The following MAX variants were observed in gnomAD, a reference collection of about 807,000 sequenced individuals.
The protein encoded by MAX is protein max.
Under a neutral mutation model 22.3 loss-of-function variants are expected in MAX, and 3 were observed. The observed-to-expected ratio is 0.13, with a 90% CI of 0.06 to 0.35. The LOEUF (loss-of-function observed/expected upper bound fraction) is 0.35, where lower values mean the gene tolerates loss of function less well. Ranked by LOEUF, MAX falls within the 10% of genes least tolerant of loss-of-function variation. The pLI, the probability that MAX is intolerant of heterozygous loss-of-function variation, is 1.00. For synonymous variants in MAX, 72 were observed against 77.7 expected (o/e 0.93, Z 0.39); for missense variants, 119 against 209.4 (o/e 0.57, Z 2.66).
exon 4 of MAX, chr14:65,006,263 G>A (rs2139487438): frequency 1.2e-6 from 2 of 1,613,638 alleles, no homozygotes; most frequent in South Asian, 1.1e-5. Flanking sequence ...ACAGGTGGGA[G>A]GGTTAACTTC....
At chr14:65,067,732 C>T (rs2062945588) in intron 3 of MAX, among the ~76,000 whole-genome samples, 1 of 151,754 alleles carries the variant, frequency 6.6e-6, no homozygotes, top group African/African-American at 2.4e-5. Flanking sequence ...AAGCAATCCT[C>T]CTGGTCAGCT....
At chr14:65,068,260 C>T (rs895016620) in intron 3 of MAX, among the ~76,000 whole-genome samples, 1 of 151,970 alleles carries the variant, frequency 6.6e-6, no homozygotes, top group Non-Finnish European at 1.5e-5. Flanking sequence ...CATGATGAAA[C>T]CCCATAGCAA....
chr14:65,081,092 G>A (rs2063187501), intron 3 of MAX, among the ~76,000 whole-genome samples: 1 of 152,190 alleles, frequency 6.6e-6, no homozygotes, highest in East Asian at 1.9e-4. Context: ...AAAGAAGGCT[G>A]GATTGGTTTA....
chr14:65,102,473 T>C lies in MAX; in HGVS notation c.-134A>G. On this transcript the variant is annotated 5_prime_UTR_variant, in exon 1 of 5. Coordinates refer to ENST00000358664, the MANE Select transcript of MAX (RefSeq NM_002382.5). ...CTCACTCACTCACTCACTCGCTCTCTCACTCACACACACACACAACACGGG... is the reference window on the plus strand; with the variant it reads ...CTCACTCACTCACTCACTCGCTCTCCCACTCACACACACACACAACACGGG... 2.6e-6 allele frequency: 4 copies of C among 1,518,062 alleles called. No individual in the cohort carries two copies. Among genetic ancestry groups the C allele is most frequent in the Non-Finnish European group, 3.5e-6 (4 of 1,134,750 alleles). The allele number at this position is 1,518,062 out of a possible 1,614,324, so 94.0% of individuals were successfully genotyped here. A position where few individuals can be genotyped will look rare whatever the true frequency, so the allele number is the denominator to read the frequency against.
At chr14:65,102,172 A>G (rs1385894809) in intron 1 of MAX, 132 bp downstream of exon 1, 1 of 1,506,142 alleles carries the variant, frequency 6.6e-7, no homozygotes, top group African/African-American at 1.4e-5. Context: ...CGACGGAGGC[A>G]CTCCTGGCCC....
In MAX at chr14:65,007,810, A is replaced by G. The variant is rs1489223731; in HGVS notation, c.172-1526T>C. ...AACCTGAAATGCATAAACTACACAG[A>G]TACCTCGCTCACATGTAGTTTTTAA... On this transcript the variant is annotated intron_variant, in intron 3 of 3. Transcript: ENST00000341653. The surrounding 1 kb of genome is among the most constrained non-coding windows in gnomAD (Gnocchi z 4.9). Among the ~76,000 whole-genome samples the G allele has an allele frequency of 1.3e-5, 2 of 152,232 alleles. No homozygotes were observed. The highest frequency in any genetic ancestry group is 2.9e-5 in the Non-Finnish European group (2 of 68,040).
At position 65,079,509 on chromosome 14, in the gene MAX, C is replaced by T. The variant is rs1161417659; in HGVS notation, c.172-1473G>A. ...ACTTATGGCCAGGCAGCCAGCCAAACTGGTAGAATAGTACAAAGCCAAGCG... is the reference window on the plus strand; with the variant it reads ...ACTTATGGCCAGGCAGCCAGCCAAATTGGTAGAATAGTACAAAGCCAAGCG... On this transcript the variant is annotated intron_variant, in intron 3 of 4. Coordinates refer to ENST00000358664, the MANE Select transcript of MAX (RefSeq NM_002382.5). This position sits in a 1 kb window ranked among gnomAD's most constrained non-coding sequence, Gnocchi z 4.5. Among the ~76,000 whole-genome samples the T allele has an allele frequency of 6.6e-6, 1 of 152,242 alleles. No homozygotes were observed. Among genetic ancestry groups the T allele is most frequent in the African/African-American group, 2.4e-5 (1 of 41,462 alleles).
At chr14:65,098,515 T>C (rs2063732024) in intron 2 of MAX, among the ~76,000 whole-genome samples, 1 of 152,192 alleles carries the variant, frequency 6.6e-6, no homozygotes. Context: ...TTGCATTTCC[T>C]GACCAACACA....
At chr14:65,019,193 G>T (rs1269780438) in intron 3 of MAX, among the ~76,000 whole-genome samples, 1 of 150,170 alleles carries the variant, frequency 6.7e-6, no homozygotes, top group African/African-American at 2.5e-5. Flanking sequence ...AAAAGAAAAA[G>T]AAGAACTTTC....
Position 65,077,832 on chromosome 14 carries a change from T to G in MAX, c.295+81A>C. On this transcript the variant is annotated intron_variant, in intron 4 of 4. Coordinates refer to ENST00000358664, the MANE Select transcript of MAX (RefSeq NM_002382.5). This position sits in a 1 kb window ranked among gnomAD's most constrained non-coding sequence, Gnocchi z 6.3. ...TGAGCACATACTCCATGACTGGCTC[T>G]GACTCTGCAGGCCCAGGTGCCAAAG... 6.2e-7 allele frequency: 1 copy of G among 1,614,214 alleles called. No homozygotes were observed. Among genetic ancestry groups the G allele is most frequent in the South Asian group, 1.1e-5 (1 of 91,088 alleles).
In MAX at chr14:65,091,058, CAG is replaced by C. The variant is rs561169888; in HGVS notation, c.171+2648_171+2649del. 1.4e-4 allele frequency among the ~76,000 whole-genome samples: 22 copies of C among 152,274 alleles called. No homozygotes were observed. The East Asian group carries it at 4.2e-3, about 29-fold the overall frequency. On this transcript the variant is annotated intron_variant, in intron 3 of 4. Coordinates refer to ENST00000358664, the MANE Select transcript of MAX (RefSeq NM_002382.5). ...GCTTAAGTCAAAGGAGACTGGAACA[CAG>C]AGAGACCCAAATCAAAGGCTTTCCC... is the stretch of plus-strand genomic sequence containing the variant.
rs187352963 is a variant in MAX at position 65,021,582 on chromosome 14, C to T, written c.172-15298G>A. ...GTGCTGCTAAATATCCTCTACAGGACGGTCCCTGCACCAAAGAATTACTGA... is the reference window on the plus strand; with the variant it reads ...GTGCTGCTAAATATCCTCTACAGGATGGTCCCTGCACCAAAGAATTACTGA... On this transcript the variant is annotated intron_variant, in intron 3 of 3. Coordinates refer to the MAX transcript ENST00000341653. Among the ~76,000 whole-genome samples the T allele has an allele frequency of 5.9e-5, 9 of 152,240 alleles. No individual in the cohort carries two copies. In the East Asian group the frequency reaches 9.7e-4, roughly 16 times the overall value.
chr14:65,071,126 GGA>G (rs1038020669), downstream of MAX, among the ~76,000 whole-genome samples: 5 of 151,974 alleles, frequency 3.3e-5, no homozygotes, highest in Admixed American at 1.3e-4. This position sits in a 1 kb window ranked among gnomAD's most constrained non-coding sequence, Gnocchi z 4.2. Flanking sequence ...TCAGCGAAAA[GGA>G]GAGTTTATTC....
intron 3 of MAX, among the ~76,000 whole-genome samples, chr14:65,037,402 CCTTTT>C (rs398043788): frequency 0.065 from 936 of 14,478 alleles, 394 homozygotes; most frequent in Middle Eastern, 0.14. Context: ...CACGCCGGGC[CCTTTT>C]TTTTTTTTTT....
rs369469981 is a variant in MAX at position 65,055,688 on chromosome 14, T to C, written c.171+38020A>G. Among the ~76,000 whole-genome samples, 12 of 152,116 alleles carry C rather than the reference T, an allele frequency of 7.9e-5. No individual in the cohort carries two copies. The East Asian group carries it at 2.3e-3, about 29-fold the overall frequency. On this transcript the variant is annotated intron_variant, in intron 3 of 3. Coordinates refer to the MAX transcript ENST00000341653. ...TGCACCACCACACCCAGCTAATTTT[T>C]GTATTTTTAGTAGAGACAGGGTTTC... is the stretch of plus-strand genomic sequence containing the variant.
Position 65,077,990 on chromosome 14 carries a change from T to C in MAX, c.218A>G (p.Tyr73Cys), listed in dbSNP as rs2063105092. The change falls in exon 4 of 5, where the codon TAT becomes TGT. Residue 73 changes from tyrosine (Y) to cysteine (C), a missense_variant. Coordinates refer to ENST00000358664, the MANE Select transcript of MAX (RefSeq NM_002382.5). This position sits in a 1 kb window ranked among gnomAD's most constrained non-coding sequence, Gnocchi z 6.3. The stretch of plus-strand genomic sequence containing the variant: ...GTGTGTGTGGTTTTTCCTTCGCATA[T>C]ACTGGATATATTCTGTGGCTTTGTC... ...ILDKATEYIQ[Y>C]MRRKNHTHQQ... The C allele has an allele frequency of 6.2e-7, 1 of 1,614,142 alleles. No homozygotes were observed. The highest frequency in any genetic ancestry group is 8.5e-7 in the Non-Finnish European group (1 of 1,180,016).
intron 3 of MAX, among the ~76,000 whole-genome samples, chr14:65,085,507 T>C (rs1051638701): frequency 6.6e-6 from 1 of 151,754 alleles, no homozygotes; most frequent in East Asian, 1.9e-4. Flanking sequence ...CTTGGGGGAG[T>C]GAGACCTCTC....
At position 65,031,503 on chromosome 14, in the gene MAX, A is replaced by C. The variant is rs538899558; in HGVS notation, c.172-25219T>G. Among the ~76,000 whole-genome samples the C allele has an allele frequency of 1.6e-3, 243 of 151,954 alleles. 1 individual carries two copies. The highest frequency in any genetic ancestry group is 5.8e-3 in the African/African-American group (242 of 41,492). ...CAGCTAATTTTTGTGTTTTTAGTGG[A>C]GACGGGGTTTCGCAATATTGGTCAG... On this transcript the variant is annotated intron_variant, in intron 3 of 3. Coordinates refer to the MAX transcript ENST00000341653. This position sits in a 1 kb window ranked among gnomAD's most constrained non-coding sequence, Gnocchi z 4.6.
At chr14:65,051,881 G>A (rs923271341) in intron 3 of MAX, among the ~76,000 whole-genome samples, 3 of 149,710 alleles carry the variant, frequency 2.0e-5, no homozygotes, top group Non-Finnish European at 3.0e-5. Context: ...TGCAAACTCC[G>A]CCTCCTGGGT....
Sources: allele counts gnomAD v4.1 joint callset (sites outside exome capture counted in the v4.1 genomes callset), GRCh38; gene constraint gnomAD v4.1.1; non-coding constraint Gnocchi (gnomAD v3.1); transcripts MANE v1.5; gene names NCBI Gene and HGNC (gene_info 2026-07-23, HGNC 2026-07-21).